NAA15: variants seen among roughly 807,000 people sequenced by gnomAD.
The protein encoded by NAA15 is N-terminal acetyltransferase.
In NAA15, 34 loss-of-function variants were observed where a neutral mutation model predicts 114.0. The observed-to-expected ratio is 0.30, with a 90% CI of 0.23 to 0.40. NAA15 has a LOEUF of 0.40. Among genes scored for constraint, NAA15 ranks in the 10% least tolerant of loss-of-function variants. The pLI is 1.00. For missense variants in NAA15, 658 were observed against 1,004.5 expected, an observed-to-expected ratio of 0.66 and a Z score of 4.66; for synonymous variants, 340 against 338.0, an observed-to-expected ratio of 1.01 and a Z score of -0.06.
At chr4:139,337,269 T>C (rs1747228781) in intron 3 of NAA15, among the ~76,000 whole-genome samples, 1 of 152,230 alleles carries the variant, frequency 6.6e-6, no homozygotes, top group South Asian at 2.1e-4. Context: ...TGAAAACTAA[T>C]CACCAATGTG....
chr4:139,342,078 A>G (rs1469441715), intron 4 of NAA15, among the ~76,000 whole-genome samples: 2 of 152,142 alleles, frequency 1.3e-5, no homozygotes, highest in Non-Finnish European at 2.9e-5. Flanking sequence ...ATATTTTTGT[A>G]GCTTCGATTT....
intron 17 of NAA15, among the ~76,000 whole-genome samples, chr4:139,381,958 C>A (rs1369878663): frequency 1.3e-5 from 2 of 152,158 alleles, no homozygotes; most frequent in Non-Finnish European, 2.9e-5. Flanking sequence ...ACTTATTACT[C>A]TTTCATGGAA....
intron 10 of NAA15, among the ~76,000 whole-genome samples, chr4:139,354,333 C>G (rs1747872993): frequency 6.6e-6 from 1 of 152,090 alleles, no homozygotes. Flanking sequence ...TGATCTTGCT[C>G]TGTTCCCCAG....
chr4:139,301,565 G>A lies in NAA15; in HGVS notation c.-213G>A, dbSNP rs1338184232. On this transcript the variant is annotated 5_prime_UTR_variant, in exon 1 of 20. Transcript: ENST00000296543. ...ACCGCCGACGGAGACCCGTAGTGGG[G>A]GAGGCGGCGGCAGCGTTAAGTGAGA... 2 of 590,440 alleles carry A rather than the reference G, an allele frequency of 3.4e-6. No individual in the cohort carries two copies. The highest frequency in any genetic ancestry group is 5.9e-6 in the Non-Finnish European group (2 of 336,790). The allele number at this position is 590,440 out of a possible 1,614,324, so 36.6% of individuals were successfully genotyped here. A position where few individuals can be genotyped will look rare whatever the true frequency, so the allele number is the denominator to read the frequency against.
At chr4:139,315,011 G>GTTTAGTTTAGT (rs59026436) in intron 1 of NAA15, among the ~76,000 whole-genome samples, 1,616 of 86,920 alleles carry the variant, frequency 0.019, 112 homozygotes, top group African/African-American at 0.047. Context: ...TTTAGTTTAG[G>GTTTAGTTTAGT]TTAGGTTAGG....
chr4:139,312,798 A>G (rs1746264105), intron 1 of NAA15, among the ~76,000 whole-genome samples: 1 of 151,652 alleles, frequency 6.6e-6, no homozygotes, highest in African/African-American at 2.4e-5. Flanking sequence ...GTGAGCTATC[A>G]TCATGCCACT....
rs111505571 is a variant in NAA15, at chr4:139,365,480, C to T, written c.1753+3543C>T. Among the ~76,000 whole-genome samples the T allele has an allele frequency of 6.3e-3, 958 of 152,152 alleles. 13 individuals carry two copies. The highest frequency in any genetic ancestry group is 0.022 in the African/African-American group (908 of 41,498). ...TTTTCCTCTGAAACCTCAGTTTTCT[C>T]GTATATAAAATAATATTATACTCTA... On this transcript the variant is annotated intron_variant, in intron 14 of 19. Coordinates refer to ENST00000296543, the MANE Select transcript of NAA15 (RefSeq NM_057175.5).
rs1560952959 is a variant in NAA15 at position 139,315,036 on chromosome 4, G to GT, written c.54+13207dup. ...GTTAGGTTAGGTTAGGTTAGGTTAG[G>GT]TTAGGTTAGGTTAGGTTAGTTTAGT... On this transcript the variant is annotated intron_variant, in intron 1 of 19. Transcript: ENST00000296543. Among the ~76,000 whole-genome samples, 73 of 82,404 alleles carry GT rather than the reference G, an allele frequency of 8.9e-4. 3 individuals carry two copies. Among genetic ancestry groups the GT allele is most frequent in the African/African-American group, 3.5e-3 (68 of 19,504 alleles). 54.1% of individuals were successfully genotyped at this position (82,404 alleles called of 152,430 possible).
chr4:139,336,805 A>T, intron 2 of NAA15, 43 bp from the exon 3 acceptor site: 1 of 1,187,898 alleles, frequency 8.4e-7, no homozygotes, highest in Non-Finnish European at 1.2e-6. Flanking sequence ...TTTAATATTT[A>T]TTTTTTTAAA....
At chr4:139,317,823 T>C (rs1244676340) in intron 1 of NAA15, among the ~76,000 whole-genome samples, 5 of 152,218 alleles carry the variant, frequency 3.3e-5, no homozygotes, top group Non-Finnish European at 7.4e-5. Context: ...GAAGTATTTG[T>C]CATGGAAATA....
chr4:139,329,826 G>A (rs1183227486), intron 1 of NAA15, among the ~76,000 whole-genome samples: 1 of 152,142 alleles, frequency 6.6e-6, no homozygotes, highest in African/African-American at 2.4e-5. Flanking sequence ...CTCTTGCAGA[G>A]TGCCTCAGCC....
At chr4:139,371,175 C>G (rs1424781547) in intron 15 of NAA15, among the ~76,000 whole-genome samples, 1 of 152,130 alleles carries the variant, frequency 6.6e-6, no homozygotes, top group African/African-American at 2.4e-5. Context: ...AGGAAAGGCT[C>G]AAAATCATTT....
At chr4:139,386,016 C>A in intron 18 of NAA15, 117 bp from the exon 19 acceptor site, 1 of 530,988 alleles carries the variant, frequency 1.9e-6, no homozygotes. Context: ...TCCCATTCTT[C>A]TAATAAAGTG....
chr4:139,359,436 C>T (rs1331413692), intron 11 of NAA15, among the ~76,000 whole-genome samples: 1 of 152,080 alleles, frequency 6.6e-6, no homozygotes, highest in Non-Finnish European at 1.5e-5. Context: ...CTTATTTATT[C>T]TTTAACAATT....
chr4:139,336,664 G>A (rs1747211143), intron 2 of NAA15, among the ~76,000 whole-genome samples, 184 bp from the exon 3 acceptor site: 1 of 151,986 alleles, frequency 6.6e-6, no homozygotes, highest in Non-Finnish European at 1.5e-5. Context: ...GTGTTTACTT[G>A]GATTGCCAAT....
intron 17 of NAA15, among the ~76,000 whole-genome samples, chr4:139,379,841 C>T (rs757379582): frequency 9.2e-5 from 14 of 152,000 alleles, no homozygotes; most frequent in South Asian, 2.1e-4. Flanking sequence ...GTCAGGAGTT[C>T]GAGACCAGCC....
At chr4:139,314,993 C>CAGTTTAGTTTAGTTT (rs1177329024) in intron 1 of NAA15, among the ~76,000 whole-genome samples, 1 of 17,422 alleles carries the variant, frequency 5.7e-5, no homozygotes, top group African/African-American at 4.0e-4. Context: ...GCGTTCAGTT[C>CAGTTTAGTTTAGTTT]AGTTCAGTTT....
At position 139,359,758 on chromosome 4, in the gene NAA15, A is replaced by G; in HGVS notation, c.1273A>G (p.Lys425Glu). ...ACCTTATAAGCATGCTGGAAATATT[A>G]AAGAAGCTGCAAGGTGGATGGATGA... The part of the protein sequence containing the change: ...AKIYKHAGNI[K>E]EAARWMDEAQ... The change falls in exon 12 of 20, where the codon AAA (lysine) becomes GAA (glutamate). Residue 425 changes from lysine (K) to glutamate (E), a missense_variant. By Grantham distance (56) the Lys-to-Glu change is moderately conservative (BLOSUM62 1). This residue lies in a region of NAA15 where 281 missense variants were observed against 389.1 expected (regional missense o/e 0.72). Coordinates refer to ENST00000296543, the MANE Select transcript of NAA15 (RefSeq NM_057175.5). The G allele has an allele frequency of 6.2e-7, 1 of 1,602,384 alleles. No individual in the cohort carries two copies. The highest frequency in any genetic ancestry group is 8.5e-7 in the Non-Finnish European group (1 of 1,177,570).
intron 2 of NAA15, 21 bp from the exon 3 acceptor site, chr4:139,336,824 TTTC>T (rs754079990): frequency 4.4e-5 from 62 of 1,401,128 alleles, no homozygotes; most frequent in African/African-American, 3.4e-4. Context: ...AAATGTTCCT[TTTC>T]TTCTTTGTTT....
Sources: allele counts gnomAD v4.1 joint callset (sites outside exome capture counted in the v4.1 genomes callset), GRCh38; gene constraint gnomAD v4.1.1; regional missense constraint gnomAD v4.1.1; transcripts MANE v1.5; gene names NCBI Gene and HGNC (gene_info 2026-07-23, HGNC 2026-07-21).